CAMK1D: variants seen among roughly 807,000 people sequenced by gnomAD.
CAMK1D encodes the protein calcium/calmodulin dependent protein kinase ID.
CAMK1D carries 9 observed loss-of-function variants against 47.7 expected under a neutral mutation model. The observed-to-expected ratio is 0.19, with a 90% CI of 0.11 to 0.33. CAMK1D has a LOEUF of 0.33. Ranked by LOEUF, CAMK1D falls within the 10% of genes least tolerant of loss-of-function variation. The pLI is 1.00. For missense variants in CAMK1D, 291 were observed against 488.7 expected, an observed-to-expected ratio of 0.60 and a Z score of 3.81; for synonymous variants, 184 against 184.9, an observed-to-expected ratio of 0.99 and a Z score of 0.04.
intron 3 of CAMK1D, among the ~76,000 whole-genome samples, chr10:12,716,039 A>G (rs1022121458): frequency 6.6e-6 from 1 of 152,022 alleles, no homozygotes; most frequent in Non-Finnish European, 1.5e-5. Flanking sequence ...AAATTCAGTA[A>G]ATAGTTATTG....
intron 6 of CAMK1D, among the ~76,000 whole-genome samples, chr10:12,804,725 G>C (rs2131046785): frequency 1.3e-5 from 2 of 151,170 alleles, no homozygotes; most frequent in South Asian, 4.2e-4. Flanking sequence ...CTTGAGCCTA[G>C]GAGTTCGAGA....
intron 1 of CAMK1D, among the ~76,000 whole-genome samples, chr10:12,369,908 A>G (rs773744501): frequency 3.3e-5 from 5 of 151,562 alleles, no homozygotes; most frequent in Non-Finnish European, 7.4e-5. Context: ...GTGAGCTGAG[A>G]TCACGTCATT....
chr10:12,489,364 G>A (rs1834311120), intron 1 of CAMK1D, among the ~76,000 whole-genome samples: 1 of 152,190 alleles, frequency 6.6e-6, no homozygotes, highest in South Asian at 2.1e-4. Context: ...AGCCCCTGAA[G>A]CCAGGCAGGA....
intron 1 of CAMK1D, among the ~76,000 whole-genome samples, chr10:12,526,144 T>C (rs932353953): frequency 6.6e-6 from 1 of 152,240 alleles, no homozygotes; most frequent in Non-Finnish European, 1.5e-5. Flanking sequence ...TCTTTCCTTT[T>C]CTTTTCTTTA....
chr10:12,729,994 C>A (rs1189771712), intron 3 of CAMK1D, among the ~76,000 whole-genome samples: 1 of 152,178 alleles, frequency 6.6e-6, no homozygotes, highest in East Asian at 1.9e-4. Flanking sequence ...GAGGAGGATG[C>A]AGAGCCGCTG....
chr10:12,661,095 C>G (rs1310460716), intron 2 of CAMK1D, among the ~76,000 whole-genome samples: 1 of 152,136 alleles, frequency 6.6e-6, no homozygotes, highest in African/African-American at 2.4e-5. Context: ...TTCAACATGT[C>G]TTTTTCTGAT....
intron 6 of CAMK1D, among the ~76,000 whole-genome samples, chr10:12,795,489 C>T (rs74118615): frequency 1.3e-5 from 2 of 152,186 alleles, no homozygotes; most frequent in Non-Finnish European, 2.9e-5. Context: ...CCTCCCCACA[C>T]GGAAGTCACG....
At position 12,557,844 on chromosome 10, in the gene CAMK1D, C is replaced by G. The variant is rs368327697; in HGVS notation, c.224+4488C>G. Among the ~76,000 whole-genome samples, 10 of 152,290 alleles carry G rather than the reference C, an allele frequency of 6.6e-5. No homozygotes were observed. In the East Asian group the frequency reaches 7.7e-4, roughly 12 times the overall value. ...GCCCATTGGAAAGACTGCCTGCCCC[C>G]CTTTATGCTGAGTTTATTGTAGGCT... On this transcript the variant is annotated intron_variant, in intron 2 of 10. Transcript: ENST00000619168.
intron 3 of CAMK1D, among the ~76,000 whole-genome samples, chr10:12,737,278 C>T (rs1317258269): frequency 6.6e-6 from 1 of 152,112 alleles, no homozygotes; most frequent in African/African-American, 2.4e-5. Context: ...GGGGCAGCAG[C>T]CTCTTGACAG....
chr10:12,441,759 A>G (rs930074170), intron 1 of CAMK1D, among the ~76,000 whole-genome samples: 4 of 152,152 alleles, frequency 2.6e-5, no homozygotes, highest in Non-Finnish European at 5.9e-5. Flanking sequence ...AGATTGTGCC[A>G]CTGCACTCCA....
intron 1 of CAMK1D, among the ~76,000 whole-genome samples, chr10:12,550,737 A>G (rs1345536092): frequency 4.6e-5 from 7 of 152,202 alleles, no homozygotes; most frequent in African/African-American, 1.7e-4. Flanking sequence ...ATTTGGGCAG[A>G]AGATCCTGCT....
chr10:12,567,947 A>G (rs182462581), intron 2 of CAMK1D, among the ~76,000 whole-genome samples: 5 of 152,242 alleles, frequency 3.3e-5, no homozygotes, highest in Admixed American at 6.5e-5. Flanking sequence ...GACTGGTTCC[A>G]TGTTCTGTTG....
intron 2 of CAMK1D, among the ~76,000 whole-genome samples, chr10:12,648,030 G>A (rs1182387028): frequency 6.6e-6 from 1 of 152,250 alleles, no homozygotes; most frequent in East Asian, 1.9e-4. Flanking sequence ...TTGCCATGAT[G>A]CCATCTTGCG....
intron 1 of CAMK1D, among the ~76,000 whole-genome samples, chr10:12,419,152 C>T (rs961222772): frequency 2.0e-5 from 3 of 151,982 alleles, no homozygotes; most frequent in East Asian, 1.9e-4. Flanking sequence ...ACCCCAGGGA[C>T]GGGAGATTTT....
chr10:12,552,224 T>G (rs1357745119), intron 1 of CAMK1D, among the ~76,000 whole-genome samples: 1 of 151,946 alleles, frequency 6.6e-6, no homozygotes, highest in Non-Finnish European at 1.5e-5. Context: ...GATGTTCTGG[T>G]TTTAGTTTGT....
At chr10:12,827,724 T>C (rs1327116144) in intron 10 of CAMK1D, among the ~76,000 whole-genome samples, 13 of 149,638 alleles carry the variant, frequency 8.7e-5, no homozygotes, top group African/African-American at 3.2e-4. Flanking sequence ...TCTCACTCTC[T>C]GTCACCCAGA....
At chr10:12,534,828 T>G (rs2132229155) in intron 1 of CAMK1D, among the ~76,000 whole-genome samples, 1 of 152,276 alleles carries the variant, frequency 6.6e-6, no homozygotes. Flanking sequence ...TGGAGTCCTC[T>G]GCATTTAGCA....
At chr10:12,782,828 A>G (rs1281260932) in intron 5 of CAMK1D, among the ~76,000 whole-genome samples, 1 of 152,184 alleles carries the variant, frequency 6.6e-6, no homozygotes, top group Non-Finnish European at 1.5e-5. Context: ...ACACAGTGGC[A>G]TGTGCCCATC....
chr10:12,576,339 T>C (rs1837488169), intron 2 of CAMK1D, among the ~76,000 whole-genome samples: 1 of 152,158 alleles, frequency 6.6e-6, no homozygotes, highest in Non-Finnish European at 1.5e-5. Flanking sequence ...AGAGCAGTGG[T>C]CCCCAACCCT....
Sources: allele counts gnomAD v4.1 joint callset (sites outside exome capture counted in the v4.1 genomes callset), GRCh38; gene constraint gnomAD v4.1.1; transcripts MANE v1.5; gene names NCBI Gene and HGNC (gene_info 2026-07-23, HGNC 2026-07-21).